Variants in PTTG1 observed in about 807,000 individuals in gnomAD.
The protein encoded by PTTG1 is securin.
PTTG1 carries 8 observed loss-of-function variants against 20.0 expected under a neutral mutation model. That is an observed-to-expected ratio of 0.40 (90% CI 0.23 to 0.72). The LOEUF is 0.72. Among genes scored for constraint, PTTG1 ranks in the 30% least tolerant of loss-of-function variants. The pLI is 0.38. For synonymous variants in PTTG1, 79 were observed against 87.2 expected, an observed-to-expected ratio of 0.91 and a Z score of 0.52; for missense variants, 197 against 236.0, an observed-to-expected ratio of 0.83 and a Z score of 1.08.
chr5:160,422,786 C>T lies in PTTG1; in HGVS notation c.169C>T (p.Pro57Ser), dbSNP rs774061424. Residue 57 changes from proline to serine, a missense_variant, in exon 3 of 6, where the codon CCT becomes TCT. Coordinates refer to ENST00000352433, the MANE Select transcript of PTTG1 (RefSeq NM_004219.4). ...AACGTTCGATGCCCCACCAGCCTTA[C>T]CTAAAGCTACTAGAAAGGCTTTGGG... Reference protein sequence around the residue: ...GKTFDAPPALPKATRKALGTV... With the variant: ...GKTFDAPPALSKATRKALGTV... The T allele has an allele frequency of 6.2e-7, 1 of 1,614,006 alleles. No homozygotes were observed. Among genetic ancestry groups the T allele is most frequent in the African/African-American group, 1.3e-5 (1 of 74,898 alleles).
intron 5 of PTTG1, 70 bp downstream of exon 5, chr5:160,427,943 A>G: frequency 1.3e-6 from 2 of 1,588,994 alleles, no homozygotes; most frequent in Admixed American, 1.7e-5. Context: ...TTACCATGGG[A>G]AGAGTTGTGC....
At position 160,422,322 on chromosome 5, in the gene PTTG1, C is replaced by CT. The variant is rs1765727172; in HGVS notation, c.11dup (p.Ile5AspfsTer4). On this transcript the variant is annotated frameshift_variant, in exon 2 of 6. Transcript: ENST00000352433. LOFTEE classifies it high-confidence loss of function. ...CTTAGAATAATCCAGAATGGCTACTCTGATCTATGTTGATAAGGAAAATGG... is the reference window on the plus strand; with the variant it reads ...CTTAGAATAATCCAGAATGGCTACTCTTGATCTATGTTGATAAGGAAAATGG... 1 of 1,613,642 alleles carries CT rather than the reference C, an allele frequency of 6.2e-7. No homozygotes were observed. Among genetic ancestry groups the CT allele is most frequent in the Non-Finnish European group, 8.5e-7 (1 of 1,179,700 alleles).
intron 4 of PTTG1, among the ~76,000 whole-genome samples, chr5:160,425,837 A>T (rs546913558): frequency 6.6e-6 from 1 of 152,334 alleles, no homozygotes; most frequent in South Asian, 2.1e-4. Context: ...AAAAGAGCAG[A>T]CTAATTCTTG....
At chr5:160,427,367 T>A (rs1009639157) in intron 4 of PTTG1, among the ~76,000 whole-genome samples, 4 of 152,224 alleles carry the variant, frequency 2.6e-5, no homozygotes, top group Admixed American at 2.0e-4. Context: ...TAAAAAGACA[T>A]CTCAAGGATG....
chr5:160,422,981 TTC>T, intron 3 of PTTG1, 88 bp downstream of exon 3: 2 of 1,403,168 alleles, frequency 1.4e-6, no homozygotes, highest in Non-Finnish European at 2.0e-6. Context: ...CGTAGCTTTC[TTC>T]CCTCTGAGTA....
chr5:160,428,528 G>T (rs1049222441), intron 5 of PTTG1, 74 bp from the exon 6 acceptor site: 2 of 1,286,088 alleles, frequency 1.6e-6, no homozygotes, highest in Non-Finnish European at 1.1e-6. Context: ...TTGATTGACA[G>T]CTAATGTCTA....
chr5:160,424,485 A>T lies in PTTG1; in HGVS notation c.370+155A>T, dbSNP rs146305280. 201 of 588,454 alleles carry T rather than the reference A, an allele frequency of 3.4e-4. 1 individual carries two copies. In the African/African-American group the frequency reaches 3.6e-3, roughly 11 times the overall value. The allele number at this position is 588,454 out of a possible 1,614,324, so 36.5% of individuals were successfully genotyped here. On this transcript the variant is annotated intron_variant, in intron 4 of 5. Coordinates refer to ENST00000352433, the MANE Select transcript of PTTG1 (RefSeq NM_004219.4). ...TTGGACAAGTGTACTTGTTGATGGA[A>T]TTATTTGCAAGGTATCATCTTAGGT...
intron 3 of PTTG1, among the ~76,000 whole-genome samples, chr5:160,423,568 AATATT>A (rs2113208266): frequency 6.6e-6 from 1 of 152,388 alleles, no homozygotes; most frequent in African/African-American, 2.4e-5. Context: ...CTTAAAGAAA[AATATT>A]AAATACAGGA....
intron 4 of PTTG1, among the ~76,000 whole-genome samples, chr5:160,426,684 A>G (rs995320134): frequency 6.6e-6 from 1 of 152,258 alleles, no homozygotes; most frequent in East Asian, 1.9e-4. Flanking sequence ...CATTAATACC[A>G]CAACTGATCT....
chr5:160,422,144 G>C, intron 1 of PTTG1, 158 bp from the exon 2 acceptor site: 1 of 599,040 alleles, frequency 1.7e-6, no homozygotes, highest in Non-Finnish European at 3.0e-6. Context: ...GAAGATTTGA[G>C]AGCTGGATTA....
intron 1 of PTTG1, 47 bp downstream of exon 1, chr5:160,421,938 C>G: frequency 5.2e-6 from 1 of 192,434 alleles, no homozygotes; most frequent in Non-Finnish European, 1.1e-5. Context: ...CCGGCTCCGG[C>G]GGGGAAGGAG....
At chr5:160,427,015 C>G (rs1175136274) in intron 4 of PTTG1, among the ~76,000 whole-genome samples, 1 of 151,988 alleles carries the variant, frequency 6.6e-6, no homozygotes, top group Admixed American at 6.5e-5. Context: ...GCACTGCAGC[C>G]TAGGTGAAAG....
chr5:160,422,750 C>A lies in PTTG1; in HGVS notation c.133C>A (p.Arg45Ser), dbSNP rs747687322. Reference sequence around the variant, plus strand: ...TGGGAGATCTCAAGTTTCAACACCACGTTTTGGCAAAACGTTCGATGCCCC... The same window carrying A: ...TGGGAGATCTCAAGTTTCAACACCAAGTTTTGGCAAAACGTTCGATGCCCC... ...LDGRSQVSTP[R>S]FGKTFDAPPA... is the part of the protein sequence containing the mutation. The change falls in exon 3 of 6, where the codon CGT becomes AGT. Residue 45 changes from arginine to serine, a missense_variant. Physicochemically the swap from Arg to Ser is moderately radical, Grantham distance 110. Transcript: ENST00000352433. 1.9e-6 allele frequency: 3 copies of A among 1,613,934 alleles called. No homozygotes were observed. The highest frequency in any genetic ancestry group is 2.7e-5 in the African/African-American group (2 of 74,874).
chr5:160,422,433 C>A, intron 2 of PTTG1, 30 bp downstream of exon 2: 2 of 1,580,990 alleles, frequency 1.3e-6, no homozygotes, highest in South Asian at 1.1e-5. Context: ...GTCGGATACA[C>A]TGGTATTGTG....
intron 3 of PTTG1, among the ~76,000 whole-genome samples, chr5:160,423,992 T>C (rs1458913926): frequency 6.6e-6 from 1 of 152,254 alleles, no homozygotes; most frequent in Non-Finnish European, 1.5e-5. Context: ...TGATTAGCTC[T>C]GAATTAACTG....
rs1156575966 is a variant in PTTG1 at position 160,428,600 on chromosome 5, A to G, written c.530-2A>G. 6.2e-7 allele frequency: 1 copy of G among 1,613,178 alleles called. No homozygotes were observed. The highest frequency in any genetic ancestry group is 1.3e-5 in the African/African-American group (1 of 74,926). On this transcript the variant is annotated splice_acceptor_variant, in intron 5 of 5. Transcript: ENST00000352433. LOFTEE classifies it high-confidence loss of function. Reference sequence around the variant, plus strand: ...TTTTAATAAGAGATTCCTGTTTTCTAGATCTGTTGCAGTCTCCTTCAAGCA... The same window carrying G: ...TTTTAATAAGAGATTCCTGTTTTCTGGATCTGTTGCAGTCTCCTTCAAGCA...
intron 4 of PTTG1, among the ~76,000 whole-genome samples, chr5:160,425,957 C>T (rs1272272895): frequency 2.0e-5 from 3 of 152,100 alleles, no homozygotes; most frequent in East Asian, 1.9e-4. Flanking sequence ...GTGTTAAATC[C>T]TACTTTTGTT....
In PTTG1 at chr5:160,424,431, A is replaced by G. The variant is rs182175362; in HGVS notation, c.370+101A>G. ...TGAATATAATATATGACCAAAAACT[A>G]TGATGAGACTGTCTGAATCTGGGTT... On this transcript the variant is annotated intron_variant, in intron 4 of 5. Transcript: ENST00000352433. 469 of 807,736 alleles carry G rather than the reference A, an allele frequency of 5.8e-4. 3 individuals carry two copies. The African/African-American group carries it at 6.4e-3, about 11-fold the overall frequency. The allele number at this position is 807,736 out of a possible 1,614,324, so 50.0% of individuals were successfully genotyped here.
intron 3 of PTTG1, among the ~76,000 whole-genome samples, chr5:160,423,450 A>G (rs1765753812): frequency 6.6e-6 from 1 of 152,252 alleles, no homozygotes; most frequent in African/African-American, 2.4e-5. Context: ...CATGTGGATT[A>G]ACACTTTATT....
Sources: gnomAD v4.1 joint callset for allele counts (sites outside exome capture counted in the v4.1 genomes callset) on GRCh38, gnomAD v4.1.1 for gene constraint, MANE v1.5 for transcripts, NCBI Gene and HGNC (gene_info 2026-07-23, HGNC 2026-07-21) for gene names.